Variants in STK3 observed in about 807,000 individuals in gnomAD.
STK3 encodes the protein serine/threonine kinase 3, also known as serine/threonine-protein kinase 3.
STK3 carries 41 observed loss-of-function variants against 58.0 expected under a neutral mutation model. The ratio of observed to expected loss-of-function variants is 0.71; its 90% CI spans 0.55 to 0.92. The LOEUF is 0.92. STK3 is among the 40% of genes least tolerant of loss of function. The pLI is 0.00. For missense variants in STK3, 479 were observed against 602.7 expected (o/e 0.79, Z 2.15); for synonymous variants, 170 against 191.0 (o/e 0.89, Z 0.91).
downstream of STK3, among the ~76,000 whole-genome samples, chr8:98,369,682 G>A (rs1456401466): frequency 1.3e-5 from 2 of 152,188 alleles, no homozygotes; most frequent in African/African-American, 4.8e-5. Context: ...ACATGTTAGA[G>A]CAGTGCAGGC....
chr8:98,736,441 T>C (rs1828603510), intron 4 of STK3, among the ~76,000 whole-genome samples: 1 of 152,172 alleles, frequency 6.6e-6, no homozygotes, highest in East Asian at 1.9e-4. Context: ...GATAAAACAG[T>C]GACAAGGTAT....
chr8:98,708,767 A>G (rs1826157710), intron 4 of STK3, among the ~76,000 whole-genome samples: 3 of 152,186 alleles, frequency 2.0e-5, no homozygotes, highest in Admixed American at 2.0e-4. Context: ...AGACCCTGTG[A>G]ATTGACTGAG....
At chr8:98,560,999 A>G (rs1383639735) in intron 8 of STK3, among the ~76,000 whole-genome samples, 2 of 152,098 alleles carry the variant, frequency 1.3e-5, no homozygotes, top group African/African-American at 4.8e-5. Context: ...CTGTCACTGT[A>G]CTCCAACCTG....
upstream of STK3, among the ~76,000 whole-genome samples, chr8:98,826,478 C>G (rs1002322979): frequency 6.6e-6 from 1 of 152,006 alleles, no homozygotes; most frequent in African/African-American, 2.4e-5. Context: ...TGCACTGGGC[C>G]CTTGCAGCTG....
intron 1 of STK3, among the ~76,000 whole-genome samples, chr8:98,794,205 A>C (rs1294105530): frequency 1.3e-5 from 2 of 152,184 alleles, no homozygotes; most frequent in African/African-American, 2.4e-5. Context: ...AAGACCAAAA[A>C]TACAAAGGAT....
At chr8:98,401,496 C>T (rs1817943589) in exon 4 of STK3, 1 of 152,138 alleles carries the variant, frequency 6.6e-6, no homozygotes, top group African/African-American at 2.4e-5. Context: ...CAAGGCTTTC[C>T]AAGGCTTCTG....
intron 3 of STK3, among the ~76,000 whole-genome samples, chr8:98,862,948 G>A (rs182847256): frequency 7.8e-4 from 119 of 152,332 alleles, no homozygotes; most frequent in Admixed American, 3.1e-3. Flanking sequence ...AATTTAGTCT[G>A]AGGCAAGGAG....
chr8:98,625,537 C>A (rs189648752), intron 6 of STK3, among the ~76,000 whole-genome samples: 38 of 152,240 alleles, frequency 2.5e-4, no homozygotes, highest in African/African-American at 9.2e-4. Flanking sequence ...CTCCCTCCCA[C>A]CTATTAAAAC....
At chr8:98,521,706 A>G (rs1158994547) in intron 10 of STK3, among the ~76,000 whole-genome samples, 1 of 152,128 alleles carries the variant, frequency 6.6e-6, no homozygotes, top group Admixed American at 6.6e-5. Context: ...TAACTACCAC[A>G]GACTTGAAGG....
chr8:98,651,175 C>T (rs890954225), intron 6 of STK3, among the ~76,000 whole-genome samples: 8 of 152,302 alleles, frequency 5.3e-5, no homozygotes, highest in Admixed American at 2.6e-4. Context: ...CAGCAGCATT[C>T]GCGGTCACGA....
chr8:98,477,073 G>A lies in STK3; in HGVS notation c.1318-21073C>T, dbSNP rs78214204. Among the ~76,000 whole-genome samples the A allele has an allele frequency of 2.4e-4, 37 of 152,282 alleles. No homozygotes were observed. The East Asian group carries it at 6.8e-3, about 28-fold the overall frequency. On this transcript the variant is annotated intron_variant, in intron 10 of 10. Coordinates refer to ENST00000419617, the MANE Select transcript of STK3 (RefSeq NM_006281.4). The stretch of plus-strand genomic sequence containing the variant: ...TCATCAAGGACGGGAAGCTGAGACC[G>A]AGGAAAATCTGTACAAACAAACCTT...
intron 1 of STK3, among the ~76,000 whole-genome samples, chr8:98,938,531 G>A (rs906881152): frequency 6.6e-6 from 1 of 152,242 alleles, no homozygotes; most frequent in Non-Finnish European, 1.5e-5. Flanking sequence ...ACTTGAAGGT[G>A]GAGAGCTAGG....
At chr8:98,706,875 T>C (rs1826006315) in intron 5 of STK3, among the ~76,000 whole-genome samples, 2 of 152,206 alleles carry the variant, frequency 1.3e-5, no homozygotes, top group Non-Finnish European at 2.9e-5. Flanking sequence ...TTAAAGATAG[T>C]GCTACAATGA....
At position 98,455,854 on chromosome 8, in the gene STK3, C is replaced by T. The variant is rs753192896; in HGVS notation, c.1464G>A (p.Gln488=). 15 of 1,613,522 alleles carry T rather than the reference C, an allele frequency of 9.3e-6. 1 individual carries two copies. The South Asian group carries it at 1.5e-4, about 17-fold the overall frequency. The change falls in exon 11 of 11, where the codon CAG becomes CAA. Residue 488 remains glutamine (Q), a synonymous_variant. Coordinates refer to ENST00000419617, the MANE Select transcript of STK3 (RefSeq NM_006281.4). ...GAGGAAATTAGACTCAAAAGTTTTG[C>T]TGCCTTCTTTTCTTTGCATCCATCG... ...LDAMDAKKRR[Q]QNF
chr8:98,724,423 A>G (rs748910572), intron 4 of STK3, among the ~76,000 whole-genome samples: 2 of 152,240 alleles, frequency 1.3e-5, no homozygotes, highest in Non-Finnish European at 2.9e-5. Context: ...TGAGCATAAA[A>G]ATACATAAAG....
chr8:98,923,787 C>T (rs1471714100), intron 1 of STK3, among the ~76,000 whole-genome samples: 2 of 149,948 alleles, frequency 1.3e-5, no homozygotes, highest in Non-Finnish European at 3.0e-5. Flanking sequence ...AAAACCAGAA[C>T]ATAAAACTCT....
intron 1 of STK3, among the ~76,000 whole-genome samples, chr8:98,895,487 A>G (rs1371659958): frequency 1.3e-5 from 2 of 152,200 alleles, no homozygotes; most frequent in African/African-American, 4.8e-5. Flanking sequence ...AGCTTGGCCA[A>G]TCAGGACAAG....
chr8:98,601,591 TC>T (rs1413896362), intron 6 of STK3: 1 of 152,202 alleles, frequency 6.6e-6, no homozygotes, highest in Non-Finnish European at 1.5e-5. Flanking sequence ...AAAATGTATA[TC>T]AGATCATTTT....
upstream of STK3, among the ~76,000 whole-genome samples, chr8:98,827,677 GAC>G (rs1404012862): frequency 6.6e-6 from 1 of 151,664 alleles, no homozygotes; most frequent in Non-Finnish European, 1.5e-5. Context: ...GTTTTTTTGA[GAC>G]AGGTTCTCAC....
Sources: gnomAD v4.1 joint callset for allele counts (sites outside exome capture counted in the v4.1 genomes callset) on GRCh38, gnomAD v4.1.1 for gene constraint, MANE v1.5 for transcripts, NCBI Gene and HGNC (gene_info 2026-07-23, HGNC 2026-07-21) for gene names.